Variants in KCNQ1 observed in about 807,000 individuals in gnomAD.
KCNQ1 encodes potassium voltage-gated channel subfamily KQT member 1.
Under a neutral mutation model 72.4 loss-of-function variants are expected in KCNQ1, and 49 were observed. That is an observed-to-expected ratio of 0.68 (90% CI 0.54 to 0.86). KCNQ1 has a LOEUF of 0.86. KCNQ1 is among the 40% of genes least tolerant of loss of function. KCNQ1 has a pLI of 0.00. For synonymous variants in KCNQ1, 450 were observed against 412.6 expected (o/e 1.09, Z -1.10); for missense variants, 790 against 945.1 (o/e 0.84, Z 2.15).
Position 2,535,659 on chromosome 11 carries a change from G to A in KCNQ1, c.477+7641G>A, listed in dbSNP as rs148998932. Among the ~76,000 whole-genome samples, 209 of 152,334 alleles carry A rather than the reference G, an allele frequency of 1.4e-3. 1 individual carries two copies. The highest frequency in any genetic ancestry group is 4.5e-3 in the African/African-American group (187 of 41,576). On this transcript the variant is annotated intron_variant, in intron 2 of 15. Transcript: ENST00000155840. The stretch of plus-strand genomic sequence containing the variant: ...GTGGCGTCTCTCTCATGCGCTGGCC[G>A]TAGAGCTTCCTGAAAGCATCTCTAT...
intron 10 of KCNQ1, chr11:2,637,632 A>G (rs1053909665): frequency 6.6e-6 from 1 of 152,156 alleles, no homozygotes; most frequent in Non-Finnish European, 1.5e-5. Flanking sequence ...AATAAGTGCG[A>G]TGTGATGCTG....
chr11:2,470,677 G>T (rs369102017), intron 1 of KCNQ1, among the ~76,000 whole-genome samples: 2 of 149,338 alleles, frequency 1.3e-5, no homozygotes. Flanking sequence ...GGGTTCCCTC[G>T]GCCAAGTGGG....
Position 2,445,204 on chromosome 11 carries a change from T to C in KCNQ1, c.106T>C (p.Phe36Leu). ...GSAGLAKKCP[F>L]SLELAEGGPA... ...CGCGGGCCTGGCCAAGAAGTGCCCC[T>C]TCTCGCTGGAGCTGGCGGAGGGCGG... Residue 36 changes from phenylalanine (F) to leucine (L), a missense_variant, in exon 1 of 16, where the codon TTC becomes CTC. Phe to Leu is a conservative substitution (Grantham distance 22). Coordinates refer to ENST00000155840, the MANE Select transcript of KCNQ1 (RefSeq NM_000218.3). The C allele has an allele frequency of 8.7e-7, 1 of 1,145,942 alleles. No individual in the cohort carries two copies. 71.0% of individuals were successfully genotyped at this position (1,145,942 alleles called of 1,614,324 possible). A position where few individuals can be genotyped will look rare whatever the true frequency, so the allele number is the denominator to read the frequency against.
chr11:2,461,542 C>T (rs2133582225), intron 1 of KCNQ1: 1 of 1,348,488 alleles, frequency 7.4e-7, no homozygotes, highest in Non-Finnish European at 9.8e-7. Flanking sequence ...TAGGATGGCA[C>T]TGGTGCCGGG....
intron 1 of KCNQ1, 88 bp from the exon 2 acceptor site, chr11:2,527,840 G>T: frequency 8.9e-7 from 1 of 1,120,722 alleles, no homozygotes; most frequent in Non-Finnish European, 1.4e-6. Flanking sequence ...TGGGGGCGGG[G>T]CTGAGGCCAG....
intron 15 of KCNQ1, among the ~76,000 whole-genome samples, chr11:2,846,311 G>C (rs964822418): frequency 2.0e-5 from 3 of 152,196 alleles, no homozygotes; most frequent in African/African-American, 7.2e-5. Flanking sequence ...CCCTGAAGCA[G>C]CTCTGCTGTT....
chr11:2,459,746 A>G (rs1846247375), intron 1 of KCNQ1, among the ~76,000 whole-genome samples: 1 of 151,968 alleles, frequency 6.6e-6, no homozygotes, highest in Admixed American at 6.6e-5. Flanking sequence ...CTTTGTGTTG[A>G]GAGGCCTGGG....
At position 2,600,339 on chromosome 11, in the gene KCNQ1, A is replaced by G. The variant is rs902892001; in HGVS notation, c.1393+11485A>G. 6.6e-6 allele frequency among the ~76,000 whole-genome samples: 1 copy of G among 152,228 alleles called. No individual in the cohort carries two copies. Among genetic ancestry groups the G allele is most frequent in the Non-Finnish European group, 1.5e-5 (1 of 68,042 alleles). The stretch of plus-strand genomic sequence containing the variant: ...AACAAAACAAACTGTTTATTTGGCC[A>G]TAATTTTGAACTACAGAAAAATTAC... On this transcript the variant is annotated intron_variant, in intron 10 of 15. Coordinates refer to ENST00000155840, the MANE Select transcript of KCNQ1 (RefSeq NM_000218.3). This position sits in a 1 kb window ranked among gnomAD's most constrained non-coding sequence, Gnocchi z 5.6.
In KCNQ1 at chr11:2,830,777, C is replaced by G. The variant is rs1055215393; in HGVS notation, c.1795-16990C>G. Among the ~76,000 whole-genome samples, 4 of 152,232 alleles carry G rather than the reference C, an allele frequency of 2.6e-5. No homozygotes were observed. The highest frequency in any genetic ancestry group is 5.9e-5 in the Non-Finnish European group (4 of 68,036). On this transcript the variant is annotated intron_variant, in intron 15 of 15. Transcript: ENST00000155840. The surrounding 1 kb of genome is among the most constrained non-coding windows in gnomAD (Gnocchi z 7.7). Reference sequence around the variant, plus strand: ...CCCCACGTGTGTGCCCTCCAGCACCCTGGCCACAGAGCCACACACCTGGGC... The same window carrying G: ...CCCCACGTGTGTGCCCTCCAGCACCGTGGCCACAGAGCCACACACCTGGGC...
chr11:2,653,956 T>C lies in KCNQ1; in HGVS notation c.1394-8005T>C. On this transcript the variant is annotated intron_variant, in intron 10 of 15. Coordinates refer to ENST00000155840, the MANE Select transcript of KCNQ1 (RefSeq NM_000218.3). The surrounding 1 kb of genome is among the most constrained non-coding windows in gnomAD (Gnocchi z 5.3). ...GCTGCTGGCAGGCAAAAACAACAGG[T>C]GTCCACTCAAGCAAGGTATTTTCCT... 1 of 398,562 alleles carries C rather than the reference T, an allele frequency of 2.5e-6. No homozygotes were observed. The highest frequency in any genetic ancestry group is 4.4e-6 in the Non-Finnish European group (1 of 226,050). The allele number at this position is 398,562 out of a possible 1,614,324, so 24.7% of individuals were successfully genotyped here. A position where few individuals can be genotyped will look rare whatever the true frequency, so the allele number is the denominator to read the frequency against.
intron 7 of KCNQ1, 43 bp downstream of exon 7, chr11:2,583,588 C>A: frequency 7.5e-7 from 1 of 1,335,180 alleles, no homozygotes; most frequent in Non-Finnish European, 1.1e-6. Context: ...CCTTGGACAG[C>A]TGGGGTCCTG....
At chr11:2,545,171 T>G (rs1442820276) in intron 2 of KCNQ1, among the ~76,000 whole-genome samples, 1 of 152,262 alleles carries the variant, frequency 6.6e-6, no homozygotes, top group Non-Finnish European at 1.5e-5. Flanking sequence ...TGTATATCAC[T>G]GGACTTGACT....
At chr11:2,513,940 G>A (rs1847248546) in intron 1 of KCNQ1, among the ~76,000 whole-genome samples, 1 of 152,176 alleles carries the variant, frequency 6.6e-6, no homozygotes, top group Non-Finnish European at 1.5e-5. Flanking sequence ...TGCAAGGTGT[G>A]TGCATGGGGC....
rs569396562 is a variant in KCNQ1, at chr11:2,516,099, C to T, written c.387-11829C>T. 1.3e-5 allele frequency among the ~76,000 whole-genome samples: 2 copies of T among 152,262 alleles called. No individual in the cohort carries two copies. Among genetic ancestry groups the T allele is most frequent in the Admixed American group, 6.5e-5 (1 of 15,294 alleles). On this transcript the variant is annotated intron_variant, in intron 1 of 15. Transcript: ENST00000155840. This position sits in a 1 kb window ranked among gnomAD's most constrained non-coding sequence, Gnocchi z 7.0. ...GGCCAGGCTGCCTGGATGCCCACCACTCCAGGCTTACTTCTGGGTTGTAGT... is the reference window on the plus strand; with the variant it reads ...GGCCAGGCTGCCTGGATGCCCACCATTCCAGGCTTACTTCTGGGTTGTAGT...
chr11:2,660,210 T>C (rs903583015), intron 10 of KCNQ1: 6 of 398,284 alleles, frequency 1.5e-5, no homozygotes, highest in Non-Finnish European at 2.2e-5. Flanking sequence ...TAAGTTTGTA[T>C]GTAGTACCCT....
At chr11:2,572,504 A>G (rs1848352446) in intron 5 of KCNQ1, among the ~76,000 whole-genome samples, 1 of 152,174 alleles carries the variant, frequency 6.6e-6, no homozygotes, top group Non-Finnish European at 1.5e-5. Flanking sequence ...CTGTGGGGTG[A>G]GGGGACCCTT....
At position 2,458,174 on chromosome 11, in the gene KCNQ1, C is replaced by G. The variant is rs1222554984; in HGVS notation, c.386+12690C>G. Among the ~76,000 whole-genome samples, 1 of 152,112 alleles carries G rather than the reference C, an allele frequency of 6.6e-6. No homozygotes were observed. The highest frequency in any genetic ancestry group is 1.5e-5 in the Non-Finnish European group (1 of 68,030). ...TGAAGGGGTCCTTGTCTTCCCCCTT[C>G]TCCCCAAGCTGAAGATGCAGTGGGT... On this transcript the variant is annotated intron_variant, in intron 1 of 15. Transcript: ENST00000155840. This position sits in a 1 kb window ranked among gnomAD's most constrained non-coding sequence, Gnocchi z 4.6.
chr11:2,740,605 G>C (rs1191605468), intron 11 of KCNQ1, among the ~76,000 whole-genome samples: 2 of 152,198 alleles, frequency 1.3e-5, no homozygotes, highest in Non-Finnish European at 2.9e-5. Flanking sequence ...TTAGTTTCCT[G>C]TGGCTGCTGG....
rs1371165124 is a variant in KCNQ1 at position 2,600,262 on chromosome 11, C to T, written c.1393+11408C>T. ...ACATGTCCCCTGGAGGGCAAAATTG[C>T]CCCCAGTTGTGACCTGCTGAGCTAA... On this transcript the variant is annotated intron_variant, in intron 10 of 15. Coordinates refer to ENST00000155840, the MANE Select transcript of KCNQ1 (RefSeq NM_000218.3). The surrounding 1 kb of genome is among the most constrained non-coding windows in gnomAD (Gnocchi z 5.6). Among the ~76,000 whole-genome samples, 1 of 152,190 alleles carries T rather than the reference C, an allele frequency of 6.6e-6. No individual in the cohort carries two copies. Among genetic ancestry groups the T allele is most frequent in the African/African-American group, 2.4e-5 (1 of 41,444 alleles).
Sources: gnomAD v4.1 joint callset for allele counts (sites outside exome capture counted in the v4.1 genomes callset) on GRCh38, gnomAD v4.1.1 for gene constraint, Gnocchi (gnomAD v3.1) non-coding constraint, MANE v1.5 for transcripts, NCBI Gene and HGNC (gene_info 2026-07-23, HGNC 2026-07-21) for gene names.